Variants in CSN3 observed in about 807,000 individuals in gnomAD.
CSN3 encodes casein kappa.
Under a neutral mutation model 9.9 loss-of-function variants are expected in CSN3, and 7 were observed. The observed-to-expected ratio is 0.71, with a 90% CI of 0.40 to 1.33. The LOEUF is 1.33. Ranked by LOEUF, CSN3 falls within the 40% of genes most tolerant of loss-of-function variation. CSN3 has a pLI of 0.01. For missense variants in CSN3, 253 were observed against 227.9 expected, an observed-to-expected ratio of 1.11 and a Z score of -0.71; for synonymous variants, 88 against 82.3, an observed-to-expected ratio of 1.07 and a Z score of -0.37.
At chr4:70,241,597 C>A (rs573478759), upstream of CSN3, among the ~76,000 whole-genome samples, 1 of 152,072 alleles carries the variant, frequency 6.6e-6, no homozygotes, top group Admixed American at 6.6e-5. Context: ...ATATGCTTTC[C>A]TGAATTATCT....
At chr4:70,244,772 A>G (rs747902934) in intron 1 of CSN3, 40 bp from the exon 2 acceptor site, 4 of 1,265,938 alleles carry the variant, frequency 3.2e-6, no homozygotes, top group Admixed American at 4.8e-5. Flanking sequence ...TTCTAGTAAC[A>G]AATTCTTTTA....
At chr4:70,244,851 T>G in exon 2 of CSN3, 3 of 1,570,272 alleles carry the variant, frequency 1.9e-6, no homozygotes, top group Non-Finnish European at 2.6e-6. Flanking sequence ...GTCAATGCCC[T>G]GGCATTAACC....
At chr4:70,239,062 T>C (rs765105997), upstream of CSN3, among the ~76,000 whole-genome samples, 1 of 151,832 alleles carries the variant, frequency 6.6e-6, no homozygotes, top group African/African-American at 2.4e-5. Context: ...GTTACAGGAA[T>C]TGAGTACATT....
intron 1 of CSN3, among the ~76,000 whole-genome samples, chr4:70,243,669 G>A (rs577690332): frequency 7.9e-4 from 120 of 152,168 alleles, no homozygotes; most frequent in Admixed American, 2.0e-3. Context: ...GATGAAGTTA[G>A]TAATTACTTC....
chr4:70,245,863 A>G (rs1319473598), intron 2 of CSN3, among the ~76,000 whole-genome samples: 1 of 152,160 alleles, frequency 6.6e-6, no homozygotes, highest in African/African-American at 2.4e-5. Context: ...TTTGAGTTCT[A>G]CAACTCAATA....
chr4:70,241,727 A>T (rs936588567), upstream of CSN3, among the ~76,000 whole-genome samples: 16 of 72,372 alleles, frequency 2.2e-4, no homozygotes, highest in Non-Finnish European at 3.0e-4. Context: ...CAATTCAATA[A>T]TTTAATAATT....
exon 4 of CSN3, chr4:70,249,327 T>C (rs1295763799): frequency 6.2e-7 from 1 of 1,614,048 alleles, no homozygotes; most frequent in Non-Finnish European, 8.5e-7. Flanking sequence ...CCATTGCTAC[T>C]GTTGAACCTA....
exon 4 of CSN3, chr4:70,249,349 G>A (rs1730441125): frequency 6.2e-7 from 1 of 1,613,876 alleles, no homozygotes; most frequent in Non-Finnish European, 8.5e-7. Flanking sequence ...ACCAGCTCCT[G>A]CCACTGAACC....
At chr4:70,241,112 T>A (rs1310760280), upstream of CSN3, among the ~76,000 whole-genome samples, 1 of 152,040 alleles carries the variant, frequency 6.6e-6, no homozygotes, top group Non-Finnish European at 1.5e-5. Flanking sequence ...AATAAATGGC[T>A]GAGAAATTAC....
intron 2 of CSN3, among the ~76,000 whole-genome samples, chr4:70,246,965 C>T (rs1482766669): frequency 2.6e-5 from 4 of 152,014 alleles, no homozygotes; most frequent in South Asian, 2.1e-4. Flanking sequence ...GACATGTGCC[C>T]GGCCTCATAT....
At chr4:70,249,169 G>T in exon 4 of CSN3, 3 of 1,614,044 alleles carry the variant, frequency 1.9e-6, no homozygotes, top group South Asian at 2.2e-5. Context: ...CCCAGCTGTA[G>T]TTAGGCCACA....
At chr4:70,243,500 C>A (rs571944460) in intron 1 of CSN3, among the ~76,000 whole-genome samples, 4 of 152,002 alleles carry the variant, frequency 2.6e-5, no homozygotes, top group Non-Finnish European at 5.9e-5. Context: ...TAGTAGACAG[C>A]CTTCCTAATC....
chr4:70,246,321 C>T (rs921433051), intron 2 of CSN3, among the ~76,000 whole-genome samples: 1 of 152,084 alleles, frequency 6.6e-6, no homozygotes, highest in Non-Finnish European at 1.5e-5. Flanking sequence ...AATCAAATCT[C>T]ATTTGTGAAA....
chr4:70,247,898 T>A (rs777314287), intron 3 of CSN3, 48 bp downstream of exon 3: 2 of 1,457,380 alleles, frequency 1.4e-6, no homozygotes, highest in South Asian at 2.6e-5. Context: ...CTACAAAATA[T>A]ATTCTGCAAA....
At chr4:70,243,284 T>A in intron 1 of CSN3, 1 of 332,076 alleles carries the variant, frequency 3.0e-6, no homozygotes, top group Non-Finnish European at 4.3e-6. Flanking sequence ...ATCATTTTAC[T>A]GTGTGAACTG....
At chr4:70,244,845 A>T (rs148200686) in exon 2 of CSN3, 6 of 1,569,184 alleles carry the variant, frequency 3.8e-6, no homozygotes, top group Non-Finnish European at 5.2e-6. Flanking sequence ...CTAGTTGTCA[A>T]TGCCCTGGCA....
At chr4:70,245,426 C>T (rs906683439) in intron 2 of CSN3, among the ~76,000 whole-genome samples, 2 of 152,156 alleles carry the variant, frequency 1.3e-5, no homozygotes, top group African/African-American at 2.4e-5. Context: ...TGACTGACCC[C>T]TTTCCAGGGA....
At chr4:70,249,706 G>T (rs941260870) in intron 4 of CSN3, among the ~76,000 whole-genome samples, 2 of 152,124 alleles carry the variant, frequency 1.3e-5, no homozygotes, top group East Asian at 3.8e-4. Context: ...ATTTGACAAA[G>T]TGAAAATAAT....
chr4:70,249,237 T>C (rs1247490153), exon 4 of CSN3: 1 of 1,613,948 alleles, frequency 6.2e-7, no homozygotes, highest in African/African-American at 1.3e-5. Context: ...CTGTGGTACG[T>C]CGCCCAAACC....
Sources: allele counts gnomAD v4.1 joint callset (sites outside exome capture counted in the v4.1 genomes callset), GRCh38; gene constraint gnomAD v4.1.1; transcripts MANE v1.5; gene names NCBI Gene and HGNC (gene_info 2026-07-23, HGNC 2026-07-21).